The following STAU2 variants were observed in gnomAD, a reference collection of about 807,000 sequenced individuals.
STAU2 encodes double-stranded RNA-binding protein Staufen homolog 2.
Under a neutral mutation model 65.9 loss-of-function variants are expected in STAU2, and 20 were observed. The observed-to-expected ratio is 0.30, with a 90% confidence interval of 0.21 to 0.44. The LOEUF is 0.44. STAU2 is among the 20% of genes least tolerant of loss of function. The pLI is 1.00. For synonymous variants in STAU2, 232 were observed against 233.9 expected (o/e 0.99, Z 0.07); for missense variants, 558 against 683.9 (o/e 0.82, Z 2.05).
chr8:73,630,771 T>G (rs1032941910), intron 6 of STAU2, among the ~76,000 whole-genome samples: 1 of 152,130 alleles, frequency 6.6e-6, no homozygotes, highest in African/African-American at 2.4e-5. Flanking sequence ...TGTCAGAACA[T>G]AGTAGCCCCA....
At chr8:73,449,035 G>C (rs1818643228) in intron 13 of STAU2, among the ~76,000 whole-genome samples, 1 of 152,238 alleles carries the variant, frequency 6.6e-6, no homozygotes, top group Admixed American at 6.5e-5. Flanking sequence ...TCGGCCCCCG[G>C]CGCAGGAGCA....
At chr8:73,581,363 T>C (rs1809967851) in intron 12 of STAU2, among the ~76,000 whole-genome samples, 2 of 152,210 alleles carry the variant, frequency 1.3e-5, no homozygotes, top group African/African-American at 4.8e-5. Context: ...TCACCATATG[T>C]ATGCACAAAC....
At chr8:73,568,016 G>A (rs1808750432) in intron 12 of STAU2, among the ~76,000 whole-genome samples, 1 of 152,110 alleles carries the variant, frequency 6.6e-6, no homozygotes, top group Admixed American at 6.5e-5. Flanking sequence ...AATGAATGAT[G>A]CATTAACATT....
At chr8:73,635,822 CTAAA>C (rs1193068975) in intron 6 of STAU2, among the ~76,000 whole-genome samples, 3 of 150,860 alleles carry the variant, frequency 2.0e-5, no homozygotes, top group Non-Finnish European at 2.9e-5. Context: ...AAGGCTCCGT[CTAAA>C]TAAATAAATA....
At chr8:73,532,885 C>A (rs1016107542) in intron 13 of STAU2, among the ~76,000 whole-genome samples, 1 of 152,194 alleles carries the variant, frequency 6.6e-6, no homozygotes, top group Non-Finnish European at 1.5e-5. Flanking sequence ...AAGCCACGCA[C>A]CTCCTCCACT....
chr8:73,680,037 A>AT (rs1818309227), intron 5 of STAU2, among the ~76,000 whole-genome samples: 1 of 119,580 alleles, frequency 8.4e-6, no homozygotes, highest in Admixed American at 1.1e-4. Flanking sequence ...TGGGGAAGGC[A>AT]GTCAGTGGAA....
chr8:73,642,285 G>C (rs1412538670), intron 6 of STAU2, among the ~76,000 whole-genome samples: 1 of 152,162 alleles, frequency 6.6e-6, no homozygotes, highest in Non-Finnish European at 1.5e-5. Context: ...AGCACTTTAT[G>C]AGGCCAAGGT....
intron 9 of STAU2, among the ~76,000 whole-genome samples, chr8:73,605,878 T>TACACACACACACACACACACACACAC (rs58486426): frequency 3.4e-5 from 4 of 117,748 alleles, no homozygotes; most frequent in Admixed American, 1.8e-4. Context: ...CACACACACA[T>TACACACACACACACACACACACACAC]ACACACACAC....
chr8:73,575,105 C>G (rs1334873411), intron 12 of STAU2, among the ~76,000 whole-genome samples: 1 of 136,818 alleles, frequency 7.3e-6, no homozygotes, highest in Non-Finnish European at 1.5e-5. Flanking sequence ...TAAAGGCACA[C>G]AGATGCACAC....
intron 13 of STAU2, among the ~76,000 whole-genome samples, chr8:73,432,432 T>C (rs1000322943): frequency 3.9e-5 from 6 of 152,318 alleles, no homozygotes; most frequent in South Asian, 4.1e-4. Flanking sequence ...AACCAGAAGG[T>C]TCTTCAATAA....
Position 73,670,924 on chromosome 8 carries a change from A to C in STAU2, c.410+2183T>G, listed in dbSNP as rs573179696. Among the ~76,000 whole-genome samples the C allele has an allele frequency of 1.3e-4, 20 of 152,262 alleles. No individual in the cohort carries two copies. The East Asian group carries it at 3.9e-3, about 29-fold the overall frequency. ...AAACTACAGGATATTAAAAACAAAT[A>C]CACAATTAAAAGCCAAATTTTTTAA... On this transcript the variant is annotated intron_variant, in intron 6 of 14. Transcript: ENST00000524300.
At chr8:73,566,903 C>G (rs1808652884) in intron 12 of STAU2, among the ~76,000 whole-genome samples, 1 of 152,196 alleles carries the variant, frequency 6.6e-6, no homozygotes, top group Non-Finnish European at 1.5e-5. Context: ...TTCAGAACAT[C>G]TTGAGGTCTG....
At chr8:73,573,683 A>G (rs559636694) in intron 12 of STAU2, among the ~76,000 whole-genome samples, 3 of 152,374 alleles carry the variant, frequency 2.0e-5, no homozygotes, top group Middle Eastern at 3.4e-3. Flanking sequence ...TGGTGCTGGG[A>G]AAACTGGCTA....
intron 8 of STAU2, among the ~76,000 whole-genome samples, chr8:73,615,297 C>T (rs1203681150): frequency 1.3e-5 from 2 of 150,326 alleles, no homozygotes; most frequent in Non-Finnish European, 3.0e-5. Flanking sequence ...GGCCTCCACA[C>T]AATTGAAAAA....
In STAU2 at chr8:73,510,137, G is replaced by A. The variant is rs577592491; in HGVS notation, c.1530+41875C>T. On this transcript the variant is annotated intron_variant, in intron 13 of 14. Coordinates refer to ENST00000524300, the MANE Select transcript of STAU2 (RefSeq NM_001164380.2). ...GGCTGGAGAGCAATGGCGTGATCTC[G>A]GCTCATGGCAACCTCCACCTCCTGG... Among the ~76,000 whole-genome samples the A allele has an allele frequency of 1.3e-4, 20 of 151,966 alleles. 1 individual carries two copies. In the East Asian group the frequency reaches 2.7e-3, roughly 21 times the overall value.
intron 6 of STAU2, chr8:73,651,458 A>G: frequency 1.5e-6 from 1 of 675,768 alleles, no homozygotes; most frequent in Non-Finnish European, 2.8e-6. Flanking sequence ...CGAACGGCAA[A>G]TGCAGGACTC....
intron 5 of STAU2, among the ~76,000 whole-genome samples, chr8:73,683,622 G>A (rs1818590396): frequency 6.6e-6 from 1 of 152,094 alleles, no homozygotes; most frequent in South Asian, 2.1e-4. Context: ...CAATCGACAA[G>A]AGAAAGAAAT....
intron 13 of STAU2, among the ~76,000 whole-genome samples, chr8:73,494,957 T>C (rs532166565): frequency 2.6e-5 from 4 of 151,740 alleles, no homozygotes; most frequent in South Asian, 2.1e-4. Flanking sequence ...AACCATAAGA[T>C]ACTGCAAAGC....
At chr8:73,635,480 G>A (rs897946585) in intron 6 of STAU2, among the ~76,000 whole-genome samples, 1 of 152,108 alleles carries the variant, frequency 6.6e-6, no homozygotes, top group East Asian at 1.9e-4. Context: ...AAGACCCAGC[G>A]ATAAGGGCTC....
Sources: allele counts gnomAD v4.1 joint callset (sites outside exome capture counted in the v4.1 genomes callset), GRCh38; gene constraint gnomAD v4.1.1; transcripts MANE v1.5; gene names NCBI Gene and HGNC (gene_info 2026-07-23, HGNC 2026-07-21).